DSCAML1: variants seen among roughly 807,000 people sequenced by gnomAD.
The protein encoded by DSCAML1 is cell adhesion molecule DSCAML1.
DSCAML1 carries 38 observed loss-of-function variants against 200.5 expected under a neutral mutation model. That is an observed-to-expected ratio of 0.19 (90% confidence interval 0.15 to 0.25). DSCAML1 has a LOEUF of 0.25. Ranked by LOEUF, DSCAML1 falls within the 10% of genes least tolerant of loss-of-function variation. The pLI, the probability that DSCAML1 is intolerant of heterozygous loss-of-function variation, is 1.00. For missense variants in DSCAML1, 2,223 were observed against 2,858.8 expected (o/e 0.78, Z 5.07); for synonymous variants, 1,215 against 1,165.0 (o/e 1.04, Z -0.87).
chr11:117,558,734 C>T (rs2050604144), intron 3 of DSCAML1, among the ~76,000 whole-genome samples: 1 of 152,178 alleles, frequency 6.6e-6, no homozygotes, highest in Non-Finnish European at 1.5e-5. Context: ...AATTCCTAGC[C>T]CTTTTAAGGG....
rs1206713929 is a variant in DSCAML1, at chr11:117,697,670, G to A, written c.511+79121C>T. 3.3e-5 allele frequency among the ~76,000 whole-genome samples: 5 copies of A among 151,772 alleles called. No individual in the cohort carries two copies. The South Asian group carries it at 6.2e-4, about 19-fold the overall frequency. Reference sequence around the variant, plus strand: ...GGAATTTGAGTACTCTAGGTACCTCGTATAAGTGGAATCATACAGTATTGG... The same window carrying A: ...GGAATTTGAGTACTCTAGGTACCTCATATAAGTGGAATCATACAGTATTGG... On this transcript the variant is annotated intron_variant, in intron 3 of 32. Coordinates refer to ENST00000651296, the MANE Select transcript of DSCAML1 (RefSeq NM_020693.4).
intron 21 of DSCAML1, 131 bp downstream of exon 21, chr11:117,443,755 G>T: frequency 1.6e-6 from 2 of 1,286,410 alleles, no homozygotes; most frequent in Non-Finnish European, 2.1e-6. Context: ...GAGGCAGGCG[G>T]GTGGCCAGTT....
At chr11:117,439,473 C>T in intron 22 of DSCAML1, 44 bp from the exon 23 acceptor site, 1 of 1,589,784 alleles carries the variant, frequency 6.3e-7, no homozygotes, top group Non-Finnish European at 8.6e-7. Flanking sequence ...GTCAAGCACC[C>T]CTTCCTCCTG....
intron 1 of DSCAML1, among the ~76,000 whole-genome samples, chr11:117,788,186 C>A (rs2055396067): frequency 6.6e-6 from 1 of 152,258 alleles, no homozygotes; most frequent in Non-Finnish European, 1.5e-5. Flanking sequence ...CAAGAGGAAG[C>A]AGCGGGCCAA....
intron 3 of DSCAML1, among the ~76,000 whole-genome samples, chr11:117,603,812 T>C (rs999059021): frequency 1.3e-5 from 2 of 152,172 alleles, no homozygotes; most frequent in African/African-American, 4.8e-5. Flanking sequence ...TCCTGAATGA[T>C]CTTGAAGATC....
chr11:117,458,924 C>G lies in DSCAML1; in HGVS notation c.3413-15G>C. ...CTCGCCCCACTCTGCCAGAGACCAG[C>G]AAACTCTGAGGACCCAGCTCCATCG... is the stretch of plus-strand genomic sequence containing the variant. On this transcript the variant is annotated splice_polypyrimidine_tract_variant and intron_variant, in intron 18 of 32. Transcript: ENST00000651296. The G allele has an allele frequency of 1.2e-6, 2 of 1,610,980 alleles. No individual in the cohort carries two copies. Among genetic ancestry groups the G allele is most frequent in the East Asian group, 2.2e-5 (1 of 44,882 alleles).
At chr11:117,645,063 C>A (rs2052495453) in intron 3 of DSCAML1, among the ~76,000 whole-genome samples, 1 of 152,250 alleles carries the variant, frequency 6.6e-6, no homozygotes, top group Non-Finnish European at 1.5e-5. Flanking sequence ...TCGGCTTCAC[C>A]TGCAGGAACA....
intron 3 of DSCAML1, among the ~76,000 whole-genome samples, chr11:117,608,653 T>C (rs79268002): frequency 0.035 from 5,258 of 152,298 alleles, 312 homozygotes; most frequent in African/African-American, 0.12. Context: ...CATTGTTGGG[T>C]ATTTTGACTA....
intron 3 of DSCAML1, among the ~76,000 whole-genome samples, chr11:117,635,106 T>G (rs2052251677): frequency 6.6e-6 from 1 of 152,232 alleles, no homozygotes; most frequent in Admixed American, 6.5e-5. Flanking sequence ...GCGCAGCCCC[T>G]GAGGTGGCTG....
At position 117,797,045 on chromosome 11, in the gene DSCAML1, G is replaced by A; in HGVS notation, c.35C>T (p.Ser12Phe). ...CGCGCAGGTCTCACCTTTGTGTAAA[G>A]AGTCCAGGAGCAGGAGGAAAGTTAC... is the stretch of plus-strand genomic sequence containing the variant. The part of the protein sequence containing the change: ...WLVTFLLLLD[S>F]LHKARPEDVG... Residue 12 changes from serine (S) to phenylalanine (F), a missense_variant, in exon 1 of 33, where the codon TCT becomes TTT. Around this residue, in one of 7 missense-constraint regions of DSCAML1, gnomAD observed 579 missense variants for 721.5 expected, o/e 0.80. Transcript: ENST00000651296. 2 of 1,538,678 alleles carry A rather than the reference G, an allele frequency of 1.3e-6. No individual in the cohort carries two copies. Among genetic ancestry groups the A allele is most frequent in the Admixed American group, 2.0e-5 (1 of 51,122 alleles).
At chr11:117,442,329 G>A (rs919436567) in intron 21 of DSCAML1, among the ~76,000 whole-genome samples, 2 of 143,536 alleles carry the variant, frequency 1.4e-5, no homozygotes, top group African/African-American at 5.5e-5. Flanking sequence ...GTATTAGTGT[G>A]TATAGTGTGT....
Position 117,432,506 on chromosome 11 carries a change from TG to T in DSCAML1, c.5027-3del. 1.2e-6 allele frequency: 2 copies of T among 1,613,026 alleles called. No individual in the cohort carries two copies. On this transcript the variant is annotated splice_polypyrimidine_tract_variant and splice_region_variant and intron_variant, in intron 29 of 32. Coordinates refer to ENST00000651296, the MANE Select transcript of DSCAML1 (RefSeq NM_020693.4). Reference sequence around the variant, plus strand: ...CAGGGATGGTGGCCTTGTCATCTCCTGGGGAAAGAAGGACAATTACTGGGAG... The same window carrying T: ...CAGGGATGGTGGCCTTGTCATCTCCTGGGAAAGAAGGACAATTACTGGGAG...
rs201090999 is a variant in DSCAML1, at chr11:117,780,167, G to GAAAGAAAA, written c.364+318_364+325dup. On this transcript the variant is annotated intron_variant, in intron 2 of 32. Coordinates refer to ENST00000651296, the MANE Select transcript of DSCAML1 (RefSeq NM_020693.4). This position sits in a 1 kb window ranked among gnomAD's most constrained non-coding sequence, Gnocchi z 4.8. ...AGAGAGAGAGAGAGAGAGAAAGAAA[G>GAAAGAAAA]AAAGAAAAAAAGAAAAAAAGAAAGA... is the stretch of plus-strand genomic sequence containing the variant. 1.2e-3 allele frequency among the ~76,000 whole-genome samples: 139 copies of GAAAGAAAA among 119,048 alleles called. No individual in the cohort carries two copies. Among genetic ancestry groups the GAAAGAAAA allele is most frequent in the African/African-American group, 3.6e-3 (110 of 30,962 alleles). 78.1% of individuals were successfully genotyped at this position (119,048 alleles called of 152,430 possible).
chr11:117,785,550 T>C (rs1054209194), intron 1 of DSCAML1, among the ~76,000 whole-genome samples: 2 of 151,648 alleles, frequency 1.3e-5, no homozygotes, highest in Admixed American at 1.3e-4. Flanking sequence ...TGGAAGACAG[T>C]TGGGGGTCGA....
intron 3 of DSCAML1, among the ~76,000 whole-genome samples, chr11:117,589,552 A>G (rs746863523): frequency 6.6e-6 from 1 of 152,200 alleles, no homozygotes; most frequent in Non-Finnish European, 1.5e-5. Context: ...CTTCGTATGC[A>G]CCAGGGATCT....
At position 117,780,789 on chromosome 11, in the gene DSCAML1, G is replaced by A. The variant is rs2134054633; in HGVS notation, c.68C>T (p.Thr23Ile). Residue 23 changes from threonine to isoleucine, a missense_variant, in exon 2 of 33, where the codon ACC (threonine) becomes ATC (isoleucine). By Grantham distance (89) the Thr-to-Ile change is moderately conservative. Around this residue, in one of 7 missense-constraint regions of DSCAML1, gnomAD observed 579 missense variants for 721.5 expected, o/e 0.80. Transcript: ENST00000651296. The surrounding 1 kb of genome is among the most constrained non-coding windows in gnomAD (Gnocchi z 4.8). ...LHKARPEDVG[T>I]SLYFVNDSLQ... ...GGAGTCATTTACAAAGTAGAGGCTG[G>A]TGCCAACATCTTCAGGGCGGGCTGC... 3.4e-6 allele frequency: 5 copies of A among 1,475,366 alleles called. No individual in the cohort carries two copies. The highest frequency in any genetic ancestry group is 4.5e-6 in the Non-Finnish European group (5 of 1,114,862). The allele number at this position is 1,475,366 out of a possible 1,614,324, so 91.4% of individuals were successfully genotyped here.
chr11:117,537,228 G>A (rs986835937), intron 3 of DSCAML1, among the ~76,000 whole-genome samples: 1 of 152,250 alleles, frequency 6.6e-6, no homozygotes, highest in African/African-American at 2.4e-5. Flanking sequence ...ATCCAGCTCA[G>A]TTTGGCTGAA....
chr11:117,816,718 C>T (rs533202145), intron 1 of DSCAML1, among the ~76,000 whole-genome samples: 8 of 151,770 alleles, frequency 5.3e-5, no homozygotes, highest in African/African-American at 1.4e-4. Context: ...CTTCACTAGA[C>T]GCAGCGCCAG....
At chr11:117,781,163 C>T (rs918584992) in intron 1 of DSCAML1, among the ~76,000 whole-genome samples, 6 of 151,828 alleles carry the variant, frequency 4.0e-5, no homozygotes, top group Non-Finnish European at 8.8e-5. Context: ...CGTGCACACG[C>T]GTCTGTAGTT....
Sources: gnomAD v4.1 joint callset for allele counts (sites outside exome capture counted in the v4.1 genomes callset) on GRCh38, gnomAD v4.1.1 for gene constraint, gnomAD v4.1.1 regional missense constraint, Gnocchi (gnomAD v3.1) non-coding constraint, MANE v1.5 for transcripts, NCBI Gene and HGNC (gene_info 2026-07-23, HGNC 2026-07-21) for gene names.